The following EPHA3 variants were observed in gnomAD, a reference collection of about 807,000 sequenced individuals.
The protein encoded by EPHA3 is ephrin type-A receptor 3.
Under a neutral mutation model 107.1 loss-of-function variants are expected in EPHA3, and 42 were observed. The observed-to-expected ratio is 0.39, with a 90% confidence interval of 0.31 to 0.51. The LOEUF (loss-of-function observed/expected upper bound fraction) is 0.51, where lower values mean the gene tolerates loss of function less well. EPHA3 is among the 20% of genes least tolerant of loss of function. The pLI is 0.78. For missense variants in EPHA3, 1,183 were observed against 1,211.2 expected (o/e 0.98, Z 0.35); for synonymous variants, 461 against 424.8 (o/e 1.09, Z -1.05).
intron 5 of EPHA3, among the ~76,000 whole-genome samples, chr3:89,347,955 G>A (rs917989321): frequency 6.6e-6 from 1 of 151,108 alleles, no homozygotes; most frequent in African/African-American, 2.4e-5. Context: ...TTGCATCCCA[G>A]GGATGAAGCC....
chr3:89,305,692 C>T (rs1330444333), intron 3 of EPHA3, among the ~76,000 whole-genome samples: 1 of 151,914 alleles, frequency 6.6e-6, no homozygotes, highest in East Asian at 1.9e-4. Flanking sequence ...TAGTGTTGAC[C>T]CCATTAACCC....
chr3:89,368,776 C>T (rs1708232179), intron 5 of EPHA3, among the ~76,000 whole-genome samples: 1 of 150,106 alleles, frequency 6.7e-6, no homozygotes, highest in African/African-American at 2.4e-5. Flanking sequence ...TATTAAAATG[C>T]CCGTATCTTC....
At chr3:89,425,528 A>G (rs1279097689) in intron 11 of EPHA3, among the ~76,000 whole-genome samples, 2 of 151,156 alleles carry the variant, frequency 1.3e-5, no homozygotes, top group African/African-American at 2.4e-5. Flanking sequence ...AATAAGACAT[A>G]GAGTGTTAGA....
chr3:89,442,732 G>GA (rs1709809381), intron 13 of EPHA3, among the ~76,000 whole-genome samples: 2 of 152,156 alleles, frequency 1.3e-5, no homozygotes, highest in Non-Finnish European at 2.9e-5. Context: ...TGGACTGCAA[G>GA]ATGCATGGGA....
At position 89,302,439 on chromosome 3, in the gene EPHA3, C is replaced by A. The variant is rs533810409; in HGVS notation, c.815-38477C>A. 3.3e-5 allele frequency among the ~76,000 whole-genome samples: 5 copies of A among 152,002 alleles called. No individual in the cohort carries two copies. In the East Asian group the frequency reaches 7.7e-4, roughly 24 times the overall value. On this transcript the variant is annotated intron_variant, in intron 3 of 16. Coordinates refer to ENST00000336596, the MANE Select transcript of EPHA3 (RefSeq NM_005233.6). ...CTTGCTCTGTGGGAGGTAGAAAATT[C>A]TTTTATTTTCTATCCATTTGAGGAG...
chr3:89,384,861 A>C (rs1708585237), intron 5 of EPHA3, among the ~76,000 whole-genome samples: 3 of 152,186 alleles, frequency 2.0e-5, no homozygotes, highest in Non-Finnish European at 4.4e-5. Context: ...CAATGTATGG[A>C]TGTCCCAGGA....
At chr3:89,289,535 G>C (rs961896347) in intron 3 of EPHA3, among the ~76,000 whole-genome samples, 5 of 152,024 alleles carry the variant, frequency 3.3e-5, no homozygotes, top group Non-Finnish European at 7.4e-5. Flanking sequence ...TGAGCCAACT[G>C]TTAAATTTCT....
intron 16 of EPHA3, among the ~76,000 whole-genome samples, chr3:89,473,190 T>A (rs1472068278): frequency 2.6e-5 from 4 of 152,206 alleles, no homozygotes; most frequent in Non-Finnish European, 5.9e-5. Flanking sequence ...AAGATAGAAT[T>A]TTTGGGTTTT....
intron 3 of EPHA3, among the ~76,000 whole-genome samples, chr3:89,228,077 T>G (rs1704540051): frequency 6.6e-6 from 1 of 151,920 alleles, no homozygotes; most frequent in African/African-American, 2.4e-5. Context: ...GTAGATCTGC[T>G]GTAACTTTGA....
At chr3:89,236,710 A>G (rs1235358365) in intron 3 of EPHA3, among the ~76,000 whole-genome samples, 5 of 152,120 alleles carry the variant, frequency 3.3e-5, no homozygotes, top group African/African-American at 1.2e-4. Context: ...GTGCACATGT[A>G]CCCTAAAACT....
intron 11 of EPHA3, among the ~76,000 whole-genome samples, chr3:89,424,785 T>C (rs1709424540): frequency 6.6e-6 from 1 of 151,498 alleles, no homozygotes; most frequent in Admixed American, 6.6e-5. Flanking sequence ...GCTTACTGCA[T>C]GACTCAGCTC....
At chr3:89,361,543 C>G (rs1423907784) in intron 5 of EPHA3, among the ~76,000 whole-genome samples, 1 of 151,052 alleles carries the variant, frequency 6.6e-6, no homozygotes, top group Non-Finnish European at 1.5e-5. Flanking sequence ...TGGCATTTAT[C>G]TTTTGAATTT....
chr3:89,211,037 T>C (rs542868970), intron 3 of EPHA3, among the ~76,000 whole-genome samples: 28 of 152,248 alleles, frequency 1.8e-4, no homozygotes, highest in East Asian at 5.8e-4. Flanking sequence ...TTAGTGCTTT[T>C]AGAAGATTAT....
At chr3:89,421,486 G>GA (rs147455882) in intron 11 of EPHA3, among the ~76,000 whole-genome samples, 2,718 of 150,724 alleles carry the variant, frequency 0.018, 88 homozygotes, top group African/African-American at 0.058. Flanking sequence ...AGAGAGTGAT[G>GA]AAAAAAAATG....
intron 10 of EPHA3, among the ~76,000 whole-genome samples, chr3:89,416,350 T>A (rs1709246777): frequency 6.6e-6 from 1 of 151,422 alleles, no homozygotes; most frequent in South Asian, 2.1e-4. Context: ...TTCATATGGG[T>A]GCAAAGTTAA....
At chr3:89,204,506 A>C (rs199852578) in intron 2 of EPHA3, among the ~76,000 whole-genome samples, 2 of 84,350 alleles carry the variant, frequency 2.4e-5, no homozygotes, top group African/African-American at 6.3e-5. Flanking sequence ...ACACACACAC[A>C]CCCCAAACAA....
At chr3:89,468,305 T>A (rs2107571475) in intron 15 of EPHA3, among the ~76,000 whole-genome samples, 1 of 152,096 alleles carries the variant, frequency 6.6e-6, no homozygotes, top group Middle Eastern at 3.4e-3. Flanking sequence ...ACAGACAAAC[T>A]CAGTTGGGGT....
Position 89,156,773 on chromosome 3 carries a change from G to A in EPHA3, c.153+29500G>A, listed in dbSNP as rs989469586. Among the ~76,000 whole-genome samples the A allele has an allele frequency of 5.9e-5, 9 of 152,018 alleles. No individual in the cohort carries two copies. In the East Asian group the frequency reaches 7.8e-4, roughly 13 times the overall value. ...GCAGGAACATTTTATTTAAAAAAAC[G>A]AGACCATGAAAGTGCTAAATATATA... On this transcript the variant is annotated intron_variant, in intron 2 of 16. Transcript: ENST00000336596.
rs1421426213 is a variant in EPHA3, at chr3:89,429,181, A to G, written c.2136+14A>G. On this transcript the variant is annotated intron_variant, in intron 12 of 16. Transcript: ENST00000336596. ...AGTTTCCTACGTGTAAGTAAGATGC[A>G]CACACATACATATATATGAATAAAT... 12 of 1,590,328 alleles carry G rather than the reference A, an allele frequency of 7.5e-6. No individual in the cohort carries two copies. The highest frequency in any genetic ancestry group is 9.5e-6 in the Non-Finnish European group (11 of 1,159,516).
Sources: gnomAD v4.1 joint callset for allele counts (sites outside exome capture counted in the v4.1 genomes callset) on GRCh38, gnomAD v4.1.1 for gene constraint, MANE v1.5 for transcripts, NCBI Gene and HGNC (gene_info 2026-07-23, HGNC 2026-07-21) for gene names.